STPG2: variants seen among roughly 807,000 people sequenced by gnomAD.
The protein encoded by STPG2 is sperm-tail PG-rich repeat-containing protein 2.
STPG2 carries 56 observed loss-of-function variants against 54.2 expected under a neutral mutation model. The observed-to-expected ratio is 1.03, with a 90% CI of 0.83 to 1.29. The LOEUF (loss-of-function observed/expected upper bound fraction) is 1.29. Among genes scored for constraint, STPG2 ranks in the 50% most tolerant of loss-of-function variants. STPG2 has a pLI of 0.00. For missense variants in STPG2, 596 were observed against 544.9 expected (o/e 1.09, Z -0.93); for synonymous variants, 200 against 181.8 (o/e 1.10, Z -0.81).
chr4:97,939,024 G>A (rs1429055601), intron 8 of STPG2, among the ~76,000 whole-genome samples: 2 of 151,946 alleles, frequency 1.3e-5, no homozygotes, highest in African/African-American at 4.8e-5. Flanking sequence ...TTCTCATTAT[G>A]TTCAAATAAC....
In STPG2 at chr4:98,026,746, C is replaced by T. The variant is rs529999275; in HGVS notation, c.613-45428G>A. 1.3e-4 allele frequency among the ~76,000 whole-genome samples: 20 copies of T among 152,214 alleles called. No homozygotes were observed. In the Middle Eastern group the frequency reaches 0.014, roughly 104 times the overall value. On this transcript the variant is annotated intron_variant, in intron 5 of 10. Coordinates refer to ENST00000295268, the MANE Select transcript of STPG2 (RefSeq NM_174952.3). ...TCCAGTGAGATCTCAATCTTAGGAG[C>T]GGGAGGTGATTCTTCCAAGTTCTTA...
At chr4:97,815,995 A>T (rs1452686001) in intron 9 of STPG2, among the ~76,000 whole-genome samples, 1 of 152,066 alleles carries the variant, frequency 6.6e-6, no homozygotes, top group Non-Finnish European at 1.5e-5. Context: ...CCCATCAACT[A>T]CATTAGGTAT....
chr4:98,022,922 A>AT (rs952927832), intron 5 of STPG2, among the ~76,000 whole-genome samples: 2 of 151,824 alleles, frequency 1.3e-5, no homozygotes, highest in Non-Finnish European at 2.9e-5. Flanking sequence ...CATTCATCTA[A>AT]TTTTTTTCCA....
chr4:98,094,623 G>A (rs1258482854), intron 5 of STPG2, among the ~76,000 whole-genome samples: 10 of 152,130 alleles, frequency 6.6e-5, no homozygotes, highest in East Asian at 1.9e-4. Context: ...CCTGAAGGGT[G>A]TGTCCCAGGC....
chr4:97,826,670 T>C (rs1006598840), intron 9 of STPG2, among the ~76,000 whole-genome samples: 7 of 152,234 alleles, frequency 4.6e-5, no homozygotes, highest in Non-Finnish European at 7.3e-5. Context: ...GAAATTTGTA[T>C]TATTTGGTAT....
chr4:97,635,341 C>T (rs951248585), intron 10 of STPG2, among the ~76,000 whole-genome samples: 5 of 152,282 alleles, frequency 3.3e-5, no homozygotes, highest in South Asian at 2.1e-4. Context: ...CTGAAGGAAG[C>T]GCTAAACATG....
intron 10 of STPG2, among the ~76,000 whole-genome samples, chr4:97,577,439 A>G (rs1732751090): frequency 6.6e-6 from 1 of 152,174 alleles, no homozygotes; most frequent in Non-Finnish European, 1.5e-5. Context: ...TTGCAGCAAC[A>G]TGGATGCAGC....
chr4:97,667,948 CAGT>C (rs1722577703), intron 10 of STPG2, among the ~76,000 whole-genome samples: 1 of 152,090 alleles, frequency 6.6e-6, no homozygotes, highest in South Asian at 2.1e-4. Context: ...ATTTGTCCCT[CAGT>C]AGAGTGGAAA....
chr4:97,977,689 G>A (rs1221604906), intron 6 of STPG2, among the ~76,000 whole-genome samples: 3 of 152,192 alleles, frequency 2.0e-5, no homozygotes, highest in Non-Finnish European at 4.4e-5. Context: ...GGTCAAGAAA[G>A]CACCAGGGCT....
intron 8 of STPG2, among the ~76,000 whole-genome samples, chr4:97,912,006 T>C (rs1011790833): frequency 5.3e-5 from 8 of 152,138 alleles, no homozygotes; most frequent in Non-Finnish European, 1.0e-4. Context: ...TTTACTGTGT[T>C]GTAATCTCCA....
chr4:97,906,535 A>G (rs1454507931), intron 8 of STPG2, among the ~76,000 whole-genome samples: 1 of 152,218 alleles, frequency 6.6e-6, no homozygotes, highest in East Asian at 1.9e-4. Context: ...TATCATCCTG[A>G]TACCAAAGCC....
chr4:97,779,022 C>G (rs1033653367), intron 9 of STPG2, among the ~76,000 whole-genome samples: 1 of 152,160 alleles, frequency 6.6e-6, no homozygotes, highest in African/African-American at 2.4e-5. Flanking sequence ...AAAATCAGAG[C>G]ACCTCCTCCC....
intron 4 of STPG2, among the ~76,000 whole-genome samples, chr4:97,450,688 G>T (rs990693257): frequency 2.0e-5 from 3 of 152,204 alleles, no homozygotes; most frequent in African/African-American, 7.2e-5. Context: ...CACGGAGCAA[G>T]ATAGGCCTCA....
intron 10 of STPG2, among the ~76,000 whole-genome samples, chr4:97,658,712 T>C (rs1722289078): frequency 6.6e-6 from 1 of 152,222 alleles, no homozygotes; most frequent in Admixed American, 6.5e-5. Context: ...CAAGGAGTAC[T>C]TGATTTGTGT....
intron 10 of STPG2, among the ~76,000 whole-genome samples, chr4:97,585,101 C>CAAAAAAAAAA (rs60854805): frequency 3.0e-4 from 14 of 46,252 alleles, no homozygotes; most frequent in East Asian, 7.8e-4. Flanking sequence ...AAAATATTCT[C>CAAAAAAAAAA]AAAAAAAAAA....
intron 10 of STPG2, among the ~76,000 whole-genome samples, chr4:97,672,460 G>C (rs974871652): frequency 6.6e-6 from 1 of 152,084 alleles, no homozygotes; most frequent in Non-Finnish European, 1.5e-5. Flanking sequence ...TTACAGGCAT[G>C]AGCCACCACG....
intron 4 of STPG2, among the ~76,000 whole-genome samples, chr4:97,517,763 C>T (rs76390582): frequency 0.014 from 2,182 of 152,054 alleles, 53 homozygotes; most frequent in African/African-American, 0.05. Context: ...AAATCCATTC[C>T]TATTAACCAC....
intron 9 of STPG2, among the ~76,000 whole-genome samples, chr4:97,824,998 G>T (rs1728208458): frequency 6.6e-6 from 1 of 152,116 alleles, no homozygotes; most frequent in African/African-American, 2.4e-5. Context: ...TGGCTGTTTG[G>T]CCTGGCTAAA....
chr4:97,711,794 C>T (rs1158730259), intron 10 of STPG2, among the ~76,000 whole-genome samples: 3 of 151,550 alleles, frequency 2.0e-5, no homozygotes, highest in Non-Finnish European at 4.4e-5. Context: ...CCCAGCCTCC[C>T]GAGTAGCTGG....
Sources: allele counts gnomAD v4.1 joint callset (sites outside exome capture counted in the v4.1 genomes callset), GRCh38; gene constraint gnomAD v4.1.1; transcripts MANE v1.5; gene names NCBI Gene and HGNC (gene_info 2026-07-23, HGNC 2026-07-21).